Variants in EMCN observed in about 807,000 individuals in gnomAD.
The protein encoded by EMCN is endomucin, also known as MUC-14.
Under a neutral mutation model 38.4 loss-of-function variants are expected in EMCN, and 37 were observed. The ratio of observed to expected loss-of-function variants is 0.96; its 90% confidence interval spans 0.74 to 1.27. The LOEUF (loss-of-function observed/expected upper bound fraction) is 1.27, where lower values mean the gene tolerates loss of function less well. Among genes scored for constraint, EMCN ranks in the 50% most tolerant of loss-of-function variants. The probability of loss-of-function intolerance (pLI) is 0.00; values close to 1 mark genes in which losing one functional copy is unlikely to be tolerated. For missense variants in EMCN, 318 were observed against 302.8 expected, an observed-to-expected ratio of 1.05 and a Z score of -0.37; for synonymous variants, 95 against 100.8, an observed-to-expected ratio of 0.94 and a Z score of 0.35.
intron 4 of EMCN, among the ~76,000 whole-genome samples, chr4:100,458,084 C>A (rs1257920663): frequency 1.3e-5 from 2 of 151,834 alleles, no homozygotes; most frequent in African/African-American, 4.8e-5. Context: ...CCACTGCACT[C>A]CAGCCTGGGC....
intron 8 of EMCN, among the ~76,000 whole-genome samples, chr4:100,419,960 C>A (rs1488175112): frequency 6.6e-6 from 1 of 152,014 alleles, no homozygotes; most frequent in Non-Finnish European, 1.5e-5. Flanking sequence ...GGGGGGCACA[C>A]TGTCCATGAG....
intron 8 of EMCN, among the ~76,000 whole-genome samples, chr4:100,420,455 T>C (rs1163359366): frequency 3.9e-5 from 6 of 151,976 alleles, no homozygotes; most frequent in Admixed American, 2.6e-4. Context: ...GATGAGGGCA[T>C]GGATACATGC....
At chr4:100,405,676 T>G (rs1163004909) in intron 11 of EMCN, among the ~76,000 whole-genome samples, 1 of 152,146 alleles carries the variant, frequency 6.6e-6, no homozygotes, top group Admixed American at 6.6e-5. Flanking sequence ...GATATTGGCC[T>G]GAAGTTTTCT....
chr4:100,410,593 G>C (rs563339639), intron 10 of EMCN, among the ~76,000 whole-genome samples: 58 of 152,234 alleles, frequency 3.8e-4, no homozygotes, highest in African/African-American at 1.3e-3. Flanking sequence ...GGGTGGGATA[G>C]GTCAGGGGGC....
intron 1 of EMCN, among the ~76,000 whole-genome samples, chr4:100,502,199 T>G (rs1457944450): frequency 6.6e-6 from 1 of 152,220 alleles, no homozygotes; most frequent in African/African-American, 2.4e-5. Flanking sequence ...AGAGCCTGGC[T>G]GTCCCACCCT....
chr4:100,473,208 A>G (rs990397326), intron 3 of EMCN, among the ~76,000 whole-genome samples: 3 of 149,736 alleles, frequency 2.0e-5, no homozygotes, highest in East Asian at 3.9e-4. Context: ...AGAGACATAC[A>G]CATACTCAGG....
At chr4:100,486,035 T>A (rs2110287183) in intron 1 of EMCN, among the ~76,000 whole-genome samples, 1 of 152,202 alleles carries the variant, frequency 6.6e-6, no homozygotes, top group South Asian at 2.1e-4. Flanking sequence ...AACTTAAAAG[T>A]TTTTTTCTGA....
chr4:100,425,278 G>T (rs1727014232), intron 5 of EMCN, among the ~76,000 whole-genome samples: 1 of 151,476 alleles, frequency 6.6e-6, no homozygotes, highest in South Asian at 2.1e-4. Context: ...ATGGTACTTG[G>T]CTGAATCCAT....
At chr4:100,437,258 C>A (rs1727381237) in intron 5 of EMCN, among the ~76,000 whole-genome samples, 1 of 151,920 alleles carries the variant, frequency 6.6e-6, no homozygotes, top group African/African-American at 2.4e-5. Context: ...GGTATTTTGC[C>A]CATTTTTTAA....
intron 7 of EMCN, among the ~76,000 whole-genome samples, chr4:100,421,828 A>G (rs1318197136): frequency 2.0e-5 from 3 of 152,064 alleles, no homozygotes; most frequent in Middle Eastern, 3.2e-3. Context: ...CTATAATAAT[A>G]CCTTAAAACT....
chr4:100,416,987 C>T (rs1020761401), intron 9 of EMCN, 130 bp downstream of exon 9: 5 of 870,722 alleles, frequency 5.7e-6, no homozygotes, highest in African/African-American at 1.7e-5. Flanking sequence ...AGAGCTCTGA[C>T]AAACAGTTAA....
chr4:100,477,376 T>C (rs192860306), intron 2 of EMCN, among the ~76,000 whole-genome samples: 1 of 152,342 alleles, frequency 6.6e-6, no homozygotes, highest in East Asian at 1.9e-4. Flanking sequence ...TTGCACAAAA[T>C]GTGCATTGCA....
chr4:100,512,631 C>T (rs1176053816), intron 1 of EMCN, among the ~76,000 whole-genome samples: 1 of 151,716 alleles, frequency 6.6e-6, no homozygotes, highest in Non-Finnish European at 1.5e-5. Context: ...ATGGTAAAAC[C>T]CTGTCTCTAC....
rs371764228 is a variant in EMCN, at chr4:100,479,929, T to C, written c.175A>G (p.Thr59Ala). ...QKNVVTPTTG[T>A]TPKGTITNEL... ...CAGTTAATCCTACCTTTAGGAGTTG[T>C]TCCAGTTGTTGGTGTGACAACATTT... Residue 59 changes from threonine to alanine, a missense_variant, in exon 2 of 12, where the codon ACA (threonine) becomes GCA (alanine). Thr to Ala is a moderately conservative substitution (Grantham distance 58, BLOSUM62 0). Transcript: ENST00000296420. 4 of 1,608,158 alleles carry C rather than the reference T, an allele frequency of 2.5e-6. No homozygotes were observed. Among genetic ancestry groups the C allele is most frequent in the Non-Finnish European group, 3.4e-6 (4 of 1,177,684 alleles).
chr4:100,443,159 A>G (rs1034425371), intron 5 of EMCN, among the ~76,000 whole-genome samples: 1 of 152,206 alleles, frequency 6.6e-6, no homozygotes, highest in African/African-American at 2.4e-5. Context: ...CCAGCTCATT[A>G]CTTTAAATCA....
chr4:100,417,601 G>C (rs1179595421), intron 8 of EMCN, among the ~76,000 whole-genome samples: 1 of 152,092 alleles, frequency 6.6e-6, no homozygotes, highest in Non-Finnish European at 1.5e-5. Flanking sequence ...CTACAATGTA[G>C]ATACTATATC....
chr4:100,423,298 C>T lies in EMCN; in HGVS notation c.508+14G>A. On this transcript the variant is annotated intron_variant, in intron 6 of 11. Transcript: ENST00000296420. ...GGTAGAGCAGATTTCCACTCAGGCA[C>T]ACAGATATCATACCTTGAGACTGTG... The T allele has an allele frequency of 6.3e-7, 1 of 1,593,308 alleles. No homozygotes were observed. Among genetic ancestry groups the T allele is most frequent in the Non-Finnish European group, 8.6e-7 (1 of 1,161,536 alleles).
chr4:100,473,366 T>TTTTTTTA (rs1728537479), intron 3 of EMCN, among the ~76,000 whole-genome samples: 1 of 80,410 alleles, frequency 1.2e-5, no homozygotes, highest in African/African-American at 5.7e-5. Context: ...CCGTTTCGTG[T>TTTTTTTA]TTTTTTGTTT....
intron 11 of EMCN, among the ~76,000 whole-genome samples, chr4:100,399,496 C>T (rs908809866): frequency 1.3e-5 from 2 of 152,108 alleles, no homozygotes; most frequent in East Asian, 1.9e-4. Context: ...CTATGGCCTG[C>T]GGGTAGCAGC....
Sources: gnomAD v4.1 joint callset for allele counts (sites outside exome capture counted in the v4.1 genomes callset) on GRCh38, gnomAD v4.1.1 for gene constraint, MANE v1.5 for transcripts, NCBI Gene and HGNC (gene_info 2026-07-23, HGNC 2026-07-21) for gene names.